The following TBCA variants were observed in gnomAD, a reference collection of about 807,000 sequenced individuals.
TBCA encodes the protein tubulin folding cofactor A, also known as tubulin-specific chaperone A.
A neutral mutation model predicts 15.8 loss-of-function variants in TBCA; 6 were observed. That is an observed-to-expected ratio of 0.38 (90% CI 0.21 to 0.75). TBCA has a LOEUF of 0.75. Ranked by LOEUF, TBCA falls within the 30% of genes least tolerant of loss-of-function variation. TBCA has a pLI of 0.46. For synonymous variants in TBCA, 32 were observed against 42.3 expected (o/e 0.76, Z 0.94); for missense variants, 90 against 131.2 (o/e 0.69, Z 1.53).
intron 2 of TBCA, among the ~76,000 whole-genome samples, chr5:77,693,799 C>CAA (rs70991303): frequency 0.044 from 3,408 of 76,832 alleles, 256 homozygotes; most frequent in African/African-American, 0.12. Flanking sequence ...AACTCCATCT[C>CAA]AAAAAAAAAA....
chr5:77,714,953 A>T (rs1746365414), intron 1 of TBCA, among the ~76,000 whole-genome samples: 1 of 152,252 alleles, frequency 6.6e-6, no homozygotes, highest in Non-Finnish European at 1.5e-5. Context: ...TCCCTGCCCT[A>T]TGGCACTTTT....
chr5:77,752,376 C>T (rs1747367248), intron 1 of TBCA, among the ~76,000 whole-genome samples: 1 of 151,920 alleles, frequency 6.6e-6, no homozygotes, highest in Non-Finnish European at 1.5e-5. Context: ...TCCTTCCTTC[C>T]GATTTTCCTT....
In TBCA at chr5:77,691,177, A is replaced by T. The variant is rs1745741378; in HGVS notation, c.*241T>A. On this transcript the variant is annotated 3_prime_UTR_variant, in exon 4 of 4. Coordinates refer to ENST00000380377, the MANE Select transcript of TBCA (RefSeq NM_004607.3). ...CTAACAGATTATAGTTCTCTGTCAT[A>T]AAGTCTATGTGGTTTAATGATAAAA... The T allele has an allele frequency of 2.2e-6, 1 of 445,652 alleles. No homozygotes were observed. The highest frequency in any genetic ancestry group is 2.1e-5 in the African/African-American group (1 of 47,836). 27.6% of individuals were successfully genotyped at this position (445,652 alleles called of 1,614,324 possible).
chr5:77,719,175 T>C (rs1746473263), intron 1 of TBCA, among the ~76,000 whole-genome samples: 1 of 152,166 alleles, frequency 6.6e-6, no homozygotes, highest in African/African-American at 2.4e-5. Context: ...AATGAGAACC[T>C]GCAATTCAAA....
chr5:77,714,281 C>T (rs1746348247), intron 1 of TBCA, among the ~76,000 whole-genome samples: 1 of 152,056 alleles, frequency 6.6e-6, no homozygotes, highest in Non-Finnish European at 1.5e-5. Context: ...GATCGTACCA[C>T]TGCATTCCAG....
chr5:77,692,915 T>C (rs1408272239), intron 3 of TBCA: 3 of 1,230,974 alleles, frequency 2.4e-6, no homozygotes, highest in African/African-American at 3.1e-5. Flanking sequence ...TTAGATCTTT[T>C]AAAATTTTAA....
At chr5:77,760,675 G>A (rs545186953) in intron 1 of TBCA, among the ~76,000 whole-genome samples, 6 of 152,316 alleles carry the variant, frequency 3.9e-5, no homozygotes, top group Admixed American at 2.0e-4. Context: ...CGCCTGCCTC[G>A]GGCTCCCGAG....
At chr5:77,709,282 A>G (rs1294944520) in intron 1 of TBCA, among the ~76,000 whole-genome samples, 1 of 152,218 alleles carries the variant, frequency 6.6e-6, no homozygotes, top group Non-Finnish European at 1.5e-5. Flanking sequence ...GTATTTTAAA[A>G]GAAGTACATC....
chr5:77,705,305 G>C (rs1168662987), intron 2 of TBCA, among the ~76,000 whole-genome samples: 1 of 151,974 alleles, frequency 6.6e-6, no homozygotes, highest in African/African-American at 2.4e-5. Context: ...CAAAGAAAAA[G>C]ACTAAATGAG....
intron 3 of TBCA, chr5:77,691,898 A>C (rs1318202388): frequency 2.0e-6 from 2 of 990,072 alleles, no homozygotes; most frequent in Non-Finnish European, 2.4e-6. Context: ...AAAATAATCC[A>C]CTGACTATTC....
At chr5:77,731,441 C>CT (rs1464719269) in intron 1 of TBCA, among the ~76,000 whole-genome samples, 3 of 152,118 alleles carry the variant, frequency 2.0e-5, no homozygotes, top group African/African-American at 7.2e-5. Context: ...ATTAAATTGT[C>CT]TAATACCTAT....
At chr5:77,749,276 C>T (rs1433669025) in intron 1 of TBCA, among the ~76,000 whole-genome samples, 9 of 152,204 alleles carry the variant, frequency 5.9e-5, no homozygotes, top group Admixed American at 5.9e-4. Context: ...CAAGAGGTGG[C>T]TACAAAATTA....
intron 1 of TBCA, among the ~76,000 whole-genome samples, chr5:77,754,273 T>C (rs1205083530): frequency 2.0e-5 from 3 of 152,232 alleles, no homozygotes; most frequent in Admixed American, 1.3e-4. Context: ...TTTATTTCTA[T>C]AACTTTCTTT....
intron 1 of TBCA, among the ~76,000 whole-genome samples, chr5:77,733,810 T>G (rs1202136705): frequency 6.6e-6 from 1 of 152,232 alleles, no homozygotes; most frequent in Non-Finnish European, 1.5e-5. Context: ...AGCTTTCTGT[T>G]GGAAGAAAAT....
chr5:77,759,135 A>G (rs1747546357), intron 1 of TBCA, among the ~76,000 whole-genome samples: 1 of 152,192 alleles, frequency 6.6e-6, no homozygotes. Flanking sequence ...ATAATATATC[A>G]GTCAATACAT....
At chr5:77,708,638 TGGCTC>T (rs1287711797) in intron 1 of TBCA, 1 of 168,792 alleles carries the variant, frequency 5.9e-6, no homozygotes, top group East Asian at 1.6e-4. Flanking sequence ...GGCGAGATCT[TGGCTC>T]ACTGCAAGCT....
Position 77,750,140 on chromosome 5 carries a change from C to CTATATA in TBCA, c.53+26059_53+26064dup, listed in dbSNP as rs142408022. 4.7e-3 allele frequency among the ~76,000 whole-genome samples: 636 copies of CTATATA among 134,096 alleles called. 7 individuals carry two copies. The highest frequency in any genetic ancestry group is 0.014 in the African/African-American group (543 of 38,272). 88.0% of individuals were successfully genotyped at this position (134,096 alleles called of 152,430 possible). On this transcript the variant is annotated intron_variant, in intron 1 of 3. Transcript: ENST00000380377. ...ACCTTTGCAAATTTGTGCTCTCTCT[C>CTATATA]TATATATATAGAGAGAGAGCACAAA...
intron 3 of TBCA, chr5:77,691,796 T>G: frequency 1.9e-6 from 2 of 1,042,874 alleles, no homozygotes; most frequent in South Asian, 8.1e-5. Flanking sequence ...AAAAAGTTTA[T>G]TCTCATTTTG....
In TBCA at chr5:77,769,954, C is replaced by A. The variant is rs532286254; in HGVS notation, c.53+6251G>T. On this transcript the variant is annotated intron_variant, in intron 1 of 3. Transcript: ENST00000380377. ...ATTGGATTTTAAGCCATTACCAATCCAAAATGGTTATAAAAAGATATATTT... is the reference window on the plus strand; with the variant it reads ...ATTGGATTTTAAGCCATTACCAATCAAAAATGGTTATAAAAAGATATATTT... 2.6e-5 allele frequency among the ~76,000 whole-genome samples: 4 copies of A among 152,216 alleles called. No homozygotes were observed. The East Asian group carries it at 7.7e-4, about 29-fold the overall frequency.
Sources: gnomAD v4.1 joint callset for allele counts (sites outside exome capture counted in the v4.1 genomes callset) on GRCh38, gnomAD v4.1.1 for gene constraint, MANE v1.5 for transcripts, NCBI Gene and HGNC (gene_info 2026-07-23, HGNC 2026-07-21) for gene names.